RASGEF1A: variants seen among roughly 807,000 people sequenced by gnomAD.
RASGEF1A encodes ras-GEF domain-containing family member 1A.
Under a neutral mutation model 56.4 loss-of-function variants are expected in RASGEF1A, and 18 were observed. That is an observed-to-expected ratio of 0.32 (90% CI 0.22 to 0.47). RASGEF1A has a LOEUF of 0.47. Among genes scored for constraint, RASGEF1A ranks in the 20% least tolerant of loss-of-function variants. RASGEF1A has a pLI of 1.00. For missense variants in RASGEF1A, 422 were observed against 627.1 expected, an observed-to-expected ratio of 0.67 and a Z score of 3.49; for synonymous variants, 245 against 242.6, an observed-to-expected ratio of 1.01 and a Z score of -0.09.
At chr10:43,213,195 A>G (rs1270596078) in intron 1 of RASGEF1A, among the ~76,000 whole-genome samples, 4 of 151,648 alleles carry the variant, frequency 2.6e-5, no homozygotes, top group Admixed American at 6.6e-5. Context: ...TATAGTTTGC[A>G]GCAATGTATT....
chr10:43,260,704 T>C (rs1879305), intron 1 of RASGEF1A, among the ~76,000 whole-genome samples: 122,910 of 152,022 alleles, frequency 0.81, 50,168 homozygotes, highest in Non-Finnish European at 0.86. Flanking sequence ...GGCACCTGGG[T>C]GTGGACTTCT....
chr10:43,196,618 CAGG>C lies in RASGEF1A; in HGVS notation c.1349-73_1349-71del. On this transcript the variant is annotated intron_variant, in intron 11 of 12. Coordinates refer to ENST00000395810, the MANE Select transcript of RASGEF1A (RefSeq NM_145313.4). The surrounding 1 kb of genome is among the most constrained non-coding windows in gnomAD (Gnocchi z 4.6). ...GTCTGCCTGAACCCAGCTGTCCCTTCAGGAGTACAGCCCAGCACAAGGGGACAG... is the reference window on the plus strand; with the variant it reads ...GTCTGCCTGAACCCAGCTGTCCCTTCAGTACAGCCCAGCACAAGGGGACAG... The C allele has an allele frequency of 1.4e-6, 2 of 1,385,786 alleles. No individual in the cohort carries two copies. Among genetic ancestry groups the C allele is most frequent in the Non-Finnish European group, 2.0e-6 (2 of 981,086 alleles). 85.8% of individuals were successfully genotyped at this position (1,385,786 alleles called of 1,614,324 possible).
intron 3 of RASGEF1A, chr10:43,202,816 C>A: frequency 2.3e-6 from 1 of 430,158 alleles, no homozygotes; most frequent in Non-Finnish European, 4.7e-6. Flanking sequence ...CTCACCCCAG[C>A]CTGGTGTGGC....
At chr10:43,202,627 G>A (rs1234558854) in intron 3 of RASGEF1A, 1 of 466,752 alleles carries the variant, frequency 2.1e-6, no homozygotes, top group African/African-American at 2.0e-5. Flanking sequence ...GCCCCACTCA[G>A]ACCGCTGGAC....
intron 3 of RASGEF1A, 79 bp from the exon 4 acceptor site, chr10:43,202,024 C>A: frequency 7.0e-7 from 1 of 1,432,670 alleles, no homozygotes; most frequent in Non-Finnish European, 9.4e-7. Context: ...AAGCTTCCCA[C>A]ATCCCCAAGC....
At chr10:43,203,990 ACT>A (rs948799601) in intron 2 of RASGEF1A, among the ~76,000 whole-genome samples, 111 of 151,828 alleles carry the variant, frequency 7.3e-4, no homozygotes, top group African/African-American at 2.5e-3. Flanking sequence ...GGGCCCCTGC[ACT>A]CTCTGACCAG....
chr10:43,202,637 C>T, intron 3 of RASGEF1A: 1 of 466,700 alleles, frequency 2.1e-6, no homozygotes. Flanking sequence ...GACCGCTGGA[C>T]CCCGCCCCCG....
chr10:43,243,741 C>T (rs1271863630), intron 1 of RASGEF1A, among the ~76,000 whole-genome samples: 2 of 151,030 alleles, frequency 1.3e-5, no homozygotes, highest in African/African-American at 4.9e-5. Context: ...CTCTGCCCGG[C>T]CGCCCCATCT....
chr10:43,245,459 A>G (rs1230317338), intron 1 of RASGEF1A, among the ~76,000 whole-genome samples: 2 of 152,190 alleles, frequency 1.3e-5, no homozygotes, highest in East Asian at 3.8e-4. Context: ...TCAAACTAGG[A>G]AACAAAATCA....
chr10:43,225,039 T>A (rs1036312620), intron 1 of RASGEF1A, among the ~76,000 whole-genome samples: 1 of 151,844 alleles, frequency 6.6e-6, no homozygotes, highest in Non-Finnish European at 1.5e-5. Context: ...TATGTGTCTG[T>A]GTGTCTCTGC....
intron 1 of RASGEF1A, among the ~76,000 whole-genome samples, chr10:43,262,355 G>A (rs929694830): frequency 6.6e-6 from 1 of 152,216 alleles, no homozygotes; most frequent in East Asian, 1.9e-4. Context: ...AGAAGTGGTG[G>A]TGACAACAAA....
chr10:43,263,965 T>C (rs1053818083), intron 1 of RASGEF1A, among the ~76,000 whole-genome samples: 2 of 151,810 alleles, frequency 1.3e-5, no homozygotes, highest in African/African-American at 2.4e-5. Flanking sequence ...TCCTGGCCGG[T>C]CACCCCTCAC....
At chr10:43,232,906 G>A (rs1319204224) in intron 1 of RASGEF1A, among the ~76,000 whole-genome samples, 2 of 152,174 alleles carry the variant, frequency 1.3e-5, no homozygotes, top group African/African-American at 4.8e-5. Flanking sequence ...ACCTGAGTCA[G>A]AAGCTCCGTG....
chr10:43,246,855 T>C (rs1413620771), intron 1 of RASGEF1A, among the ~76,000 whole-genome samples: 1 of 152,256 alleles, frequency 6.6e-6, no homozygotes, highest in Non-Finnish European at 1.5e-5. Flanking sequence ...GACCTTGCAT[T>C]AGGCAATAGT....
At chr10:43,223,891 T>C (rs1434283894) in intron 1 of RASGEF1A, among the ~76,000 whole-genome samples, 1 of 151,940 alleles carries the variant, frequency 6.6e-6, no homozygotes, top group Non-Finnish European at 1.5e-5. Context: ...AGGAAGGACA[T>C]GAAAAATACA....
rs566061313 is a variant in RASGEF1A at position 43,236,670 on chromosome 10, A to T, written c.-7+30175T>A. Among the ~76,000 whole-genome samples, 4 of 152,348 alleles carry T rather than the reference A, an allele frequency of 2.6e-5. No homozygotes were observed. The East Asian group carries it at 7.7e-4, about 29-fold the overall frequency. On this transcript the variant is annotated intron_variant, in intron 1 of 12. Transcript: ENST00000395810. ...TTACTATGAATGGCTTCATCACAGCATAACACAGTACGTGCTCATCTTCTA... is the reference window on the plus strand; with the variant it reads ...TTACTATGAATGGCTTCATCACAGCTTAACACAGTACGTGCTCATCTTCTA...
At chr10:43,216,291 C>A (rs1840135829) in intron 1 of RASGEF1A, among the ~76,000 whole-genome samples, 1 of 152,198 alleles carries the variant, frequency 6.6e-6, no homozygotes, top group South Asian at 2.1e-4. Context: ...CCGCCTGCCC[C>A]ACTCTGTGAG....
chr10:43,229,686 C>G (rs987308177), intron 1 of RASGEF1A: 11 of 1,462,530 alleles, frequency 7.5e-6, no homozygotes, highest in Admixed American at 2.4e-5. Flanking sequence ...CCGTCCTGCC[C>G]GGTCCGGCGT....
chr10:43,228,571 G>A lies in RASGEF1A; in HGVS notation c.-6-22449C>T, dbSNP rs531933737. On this transcript the variant is annotated intron_variant, in intron 1 of 12. Transcript: ENST00000395810. Reference sequence around the variant, plus strand: ...AATGAGGGTGGCCTGGACCAGGGCTGACACCAGTGAGTGGAAACTGCACCA... The same window carrying A: ...AATGAGGGTGGCCTGGACCAGGGCTAACACCAGTGAGTGGAAACTGCACCA... Among the ~76,000 whole-genome samples the A allele has an allele frequency of 2.6e-5, 4 of 152,358 alleles. No individual in the cohort carries two copies. The South Asian group carries it at 6.2e-4, about 24-fold the overall frequency.
Sources: allele counts gnomAD v4.1 joint callset (sites outside exome capture counted in the v4.1 genomes callset), GRCh38; gene constraint gnomAD v4.1.1; non-coding constraint Gnocchi (gnomAD v3.1); transcripts MANE v1.5; gene names NCBI Gene and HGNC (gene_info 2026-07-23, HGNC 2026-07-21).